Variants in FOXN3 observed in about 807,000 individuals in gnomAD.
FOXN3 encodes the protein forkhead box protein N3.
FOXN3 carries 7 observed loss-of-function variants against 38.4 expected under a neutral mutation model. That is an observed-to-expected ratio of 0.18 (90% confidence interval 0.10 to 0.34). FOXN3 has a LOEUF of 0.34. Ranked by LOEUF, FOXN3 falls within the 10% of genes least tolerant of loss-of-function variation. The probability of loss-of-function intolerance (pLI) is 1.00; values close to 1 mark genes in which losing one functional copy is unlikely to be tolerated. For synonymous variants in FOXN3, 230 were observed against 242.2 expected (o/e 0.95, Z 0.47); for missense variants, 456 against 613.4 (o/e 0.74, Z 2.71).
chr14:89,357,572 C>T (rs1017318866), intron 2 of FOXN3, among the ~76,000 whole-genome samples: 19 of 151,662 alleles, frequency 1.3e-4, no homozygotes, highest in Non-Finnish European at 7.4e-5. Flanking sequence ...CGTGCCACTG[C>T]ACTCCAGCCT....
At chr14:89,511,136 C>CTTTCTTTTCT (rs1555358040) in intron 1 of FOXN3, among the ~76,000 whole-genome samples, 1 of 30,292 alleles carries the variant, frequency 3.3e-5, no homozygotes, top group African/African-American at 6.3e-5. Context: ...TTCTTTCTTT[C>CTTTCTTTTCT]TTTCTTTTCT....
rs374307851 is a variant in FOXN3 at position 89,502,737 on chromosome 14, T to C, written c.-14-90247A>G. ...ATAAGTGTCGGGGGGAAAGAAGGAG[T>C]AGGTGTCTCACAGGGGGTCATCCCA... On this transcript the variant is annotated intron_variant, in intron 1 of 6. Coordinates refer to the FOXN3 transcript ENST00000345097. Among the ~76,000 whole-genome samples the C allele has an allele frequency of 4.6e-5, 7 of 151,970 alleles. No homozygotes were observed. In the East Asian group the frequency reaches 9.7e-4, roughly 21 times the overall value.
intron 2 of FOXN3, among the ~76,000 whole-genome samples, chr14:89,386,970 G>C (rs1890806155): frequency 6.6e-6 from 1 of 151,866 alleles, no homozygotes; most frequent in Non-Finnish European, 1.5e-5. Flanking sequence ...ATATAAATTG[G>C]GGGGTGCCAG....
At chr14:89,489,955 C>CA (rs550259397) in intron 1 of FOXN3, among the ~76,000 whole-genome samples, 387 of 152,336 alleles carry the variant, frequency 2.5e-3, no homozygotes, top group Non-Finnish European at 4.0e-3. Flanking sequence ...TCATGGACTC[C>CA]ACACAGGAGC....
At chr14:89,420,269 G>A (rs1038084405), upstream of FOXN3, among the ~76,000 whole-genome samples, 1 of 152,202 alleles carries the variant, frequency 6.6e-6, no homozygotes, top group Admixed American at 6.5e-5. Flanking sequence ...GATTGGCCTA[G>A]CCTGAGTCAC....
intron 1 of FOXN3, among the ~76,000 whole-genome samples, chr14:89,449,858 AAC>A: frequency 6.6e-6 from 1 of 152,194 alleles, no homozygotes; most frequent in Non-Finnish European, 1.5e-5. Context: ...GGAGAGCCAG[AAC>A]ACTGCCCTTT....
chr14:89,334,026 T>TACAC (rs34061100), intron 3 of FOXN3, among the ~76,000 whole-genome samples: 1,978 of 127,126 alleles, frequency 0.016, 44 homozygotes, highest in East Asian at 0.078. Context: ...AAATGTGGTA[T>TACAC]ACACACACAC....
chr14:89,247,857 A>T (rs1042372105), intron 4 of FOXN3, among the ~76,000 whole-genome samples: 24 of 152,174 alleles, frequency 1.6e-4, no homozygotes, highest in African/African-American at 5.8e-4. Context: ...TCTGCTAATC[A>T]TTCCCAATTC....
chr14:89,392,049 GGA>G (rs1429563272), intron 2 of FOXN3, among the ~76,000 whole-genome samples: 1 of 152,080 alleles, frequency 6.6e-6, no homozygotes, highest in African/African-American at 2.4e-5. Context: ...ATCAAAAAAT[GGA>G]GAGGAAAAAA....
At chr14:89,293,140 T>TG (rs1345034026) in intron 3 of FOXN3, among the ~76,000 whole-genome samples, 2 of 152,208 alleles carry the variant, frequency 1.3e-5, no homozygotes, top group Non-Finnish European at 2.9e-5. Flanking sequence ...CACTGCCAGC[T>TG]GATTCTGTTT....
chr14:89,468,978 C>T (rs1471492740), intron 1 of FOXN3, among the ~76,000 whole-genome samples: 2 of 152,164 alleles, frequency 1.3e-5, no homozygotes, highest in Non-Finnish European at 2.9e-5. Context: ...GCCAAGTGAA[C>T]GTGCCTTTTC....
At chr14:89,396,725 G>A (rs934822988) in intron 2 of FOXN3, among the ~76,000 whole-genome samples, 10 of 151,982 alleles carry the variant, frequency 6.6e-5, no homozygotes, top group African/African-American at 2.2e-4. Context: ...CCAGCTACTT[G>A]GGAGGCTGAG....
chr14:89,175,248 AT>A (rs1887491642), intron 5 of FOXN3, among the ~76,000 whole-genome samples: 1 of 152,236 alleles, frequency 6.6e-6, no homozygotes, highest in South Asian at 2.1e-4. Flanking sequence ...TCCAAATAAA[AT>A]TAAGCAGCCT....
chr14:89,382,787 G>T (rs1443139270), intron 2 of FOXN3, among the ~76,000 whole-genome samples: 1 of 152,194 alleles, frequency 6.6e-6, no homozygotes, highest in South Asian at 2.1e-4. Context: ...TGGCAAAGAG[G>T]GGATGGTGTT....
At chr14:89,193,244 A>G (rs1888009989) in intron 4 of FOXN3, among the ~76,000 whole-genome samples, 2 of 149,380 alleles carry the variant, frequency 1.3e-5, no homozygotes, top group Admixed American at 6.6e-5. Flanking sequence ...TGGGCCCAGA[A>G]CAAGAAGAAA....
At chr14:89,464,595 T>C (rs1341103231) in intron 1 of FOXN3, among the ~76,000 whole-genome samples, 1 of 152,330 alleles carries the variant, frequency 6.6e-6, no homozygotes. Flanking sequence ...AAATCTCATC[T>C]TGAATTGCAG....
chr14:89,222,084 G>A (rs898257950), intron 4 of FOXN3, among the ~76,000 whole-genome samples: 10 of 152,174 alleles, frequency 6.6e-5, no homozygotes, highest in African/African-American at 2.4e-4. Flanking sequence ...CCAAAGTGCT[G>A]GGATTACAGG....
chr14:89,501,018 C>A (rs1422918239), intron 1 of FOXN3, among the ~76,000 whole-genome samples: 1 of 152,222 alleles, frequency 6.6e-6, no homozygotes, highest in Non-Finnish European at 1.5e-5. Flanking sequence ...TCTATCTCTG[C>A]ATGGAAGACA....
In FOXN3 at chr14:89,232,110, G is replaced by A. The variant is rs539137268; in HGVS notation, c.745+48840C>T. Among the ~76,000 whole-genome samples, 7 of 152,254 alleles carry A rather than the reference G, an allele frequency of 4.6e-5. No individual in the cohort carries two copies. The South Asian group carries it at 6.2e-4, about 14-fold the overall frequency. ...AAAGCCACAGGAGCTGCCTCATGGC[G>A]GATGTAGAACTCACTGATTTATTGG... On this transcript the variant is annotated intron_variant, in intron 4 of 5. Coordinates refer to ENST00000557258, the MANE Select transcript of FOXN3 (RefSeq NM_005197.4).
Sources: allele counts gnomAD v4.1 joint callset (sites outside exome capture counted in the v4.1 genomes callset), GRCh38; gene constraint gnomAD v4.1.1; transcripts MANE v1.5; gene names NCBI Gene and HGNC (gene_info 2026-07-23, HGNC 2026-07-21).